Variants in CFAP52 observed in about 807,000 individuals in gnomAD.
CFAP52 encodes the protein cilia- and flagella-associated protein 52.
In CFAP52, 57 loss-of-function variants were observed where a neutral mutation model predicts 70.5. That is an observed-to-expected ratio of 0.81 (90% CI 0.65 to 1.01). The LOEUF is 1.01. CFAP52 is among the 50% of genes least tolerant of loss of function. The pLI is 0.00. For missense variants in CFAP52, 785 were observed against 788.5 expected (o/e 1.00, Z 0.05); for synonymous variants, 267 against 292.5 (o/e 0.91, Z 0.89).
At position 9,628,767 on chromosome 17, in the gene CFAP52, A is replaced by G; in HGVS notation, c.1121A>G (p.Asn374Ser). 2 of 1,614,160 alleles carry G rather than the reference A, an allele frequency of 1.2e-6. No individual in the cohort carries two copies. Among genetic ancestry groups the G allele is most frequent in the South Asian group, 1.1e-5 (1 of 91,074 alleles). ...GAGCTGCTGCGGATCACCGTGCCCAACATGACCTGCCACGGCATCGACTTC... is the reference window on the plus strand; with the variant it reads ...GAGCTGCTGCGGATCACCGTGCCCAGCATGACCTGCCACGGCATCGACTTC... Reference protein sequence around the residue: ...NRELLRITVPNMTCHGIDFMR... With the variant: ...NRELLRITVPSMTCHGIDFMR... The change falls in exon 9 of 14, where the codon AAC becomes AGC. Residue 374 changes from asparagine (N) to serine (S), a missense_variant. Coordinates refer to ENST00000352665, the MANE Select transcript of CFAP52 (RefSeq NM_145054.5).
chr17:9,603,311 C>A (rs1353450391), intron 6 of CFAP52, among the ~76,000 whole-genome samples: 2 of 152,082 alleles, frequency 1.3e-5, no homozygotes, highest in Admixed American at 6.6e-5. Flanking sequence ...AGAGTTTACG[C>A]CATTCTCCTG....
In CFAP52 at chr17:9,627,250, C is replaced by T. The variant is rs1455119736; in HGVS notation, c.1026-1422C>T. ...CTTGGCTGGGCACAGTGGCTCACAC[C>T]TGTAATCCCAGCACTTTGGGAGGCC... On this transcript the variant is annotated intron_variant, in intron 8 of 13. Transcript: ENST00000352665. 3.9e-5 allele frequency among the ~76,000 whole-genome samples: 6 copies of T among 152,202 alleles called. No individual in the cohort carries two copies. The South Asian group carries it at 1.0e-3, about 26-fold the overall frequency.
At chr17:9,608,280 A>G in intron 7 of CFAP52, 61 bp downstream of exon 7, 1 of 1,343,746 alleles carries the variant, frequency 7.4e-7, no homozygotes, top group Non-Finnish European at 1.0e-6. Flanking sequence ...AGATTTGCTT[A>G]AAGCCAGCAA....
chr17:9,628,851 G>A (rs1244828921), intron 9 of CFAP52, 31 bp downstream of exon 9: 1 of 1,612,730 alleles, frequency 6.2e-7, no homozygotes, highest in Non-Finnish European at 8.5e-7. Flanking sequence ...TCTGGCTTGG[G>A]GCTCTAGCTG....
chr17:9,628,918 G>A (rs139936399), intron 9 of CFAP52, 98 bp downstream of exon 9: 2 of 1,541,668 alleles, frequency 1.3e-6, no homozygotes, highest in Non-Finnish European at 1.8e-6. Flanking sequence ...GGATAACCTA[G>A]AACAGCCTCC....
chr17:9,609,619 T>C (rs1909640286), intron 7 of CFAP52, among the ~76,000 whole-genome samples: 1 of 152,006 alleles, frequency 6.6e-6, no homozygotes, highest in African/African-American at 2.4e-5. Flanking sequence ...TTGATTGAGG[T>C]TGATCAGTCA....
chr17:9,601,024 A>C (rs141641828), intron 6 of CFAP52, among the ~76,000 whole-genome samples: 1 of 152,022 alleles, frequency 6.6e-6, no homozygotes, highest in African/African-American at 2.4e-5. Flanking sequence ...AATGTCCAAC[A>C]ATGATAGACT....
chr17:9,598,133 C>A, intron 4 of CFAP52, 101 bp from the exon 5 acceptor site: 1 of 900,374 alleles, frequency 1.1e-6, no homozygotes, highest in Non-Finnish European at 1.7e-6. Context: ...ATAACGAAGC[C>A]TCAAAAATGT....
rs1909119205 is a variant in CFAP52 at position 9,598,458 on chromosome 17, G to A, written c.636+125G>A. 9 of 691,054 alleles carry A rather than the reference G, an allele frequency of 1.3e-5. No homozygotes were observed. In the East Asian group the frequency reaches 2.6e-4, roughly 20 times the overall value. 42.8% of individuals were successfully genotyped at this position (691,054 alleles called of 1,614,324 possible). On this transcript the variant is annotated intron_variant, in intron 5 of 13. Transcript: ENST00000352665. ...AAAGTGGGGTATAGACATAGGGGAT[G>A]TTGATTGAAGAAGCTCACTTTGGCC...
chr17:9,643,971 T>C (rs559204706), downstream of CFAP52, among the ~76,000 whole-genome samples: 2 of 152,360 alleles, frequency 1.3e-5, no homozygotes, highest in African/African-American at 2.4e-5. Context: ...GGGTAAATAA[T>C]GGCATTTTCC....
intron 1 of CFAP52, among the ~76,000 whole-genome samples, chr17:9,577,658 A>G (rs1369766897): frequency 2.6e-5 from 4 of 152,246 alleles, no homozygotes; most frequent in African/African-American, 9.6e-5. Context: ...ACAGTCTCCA[A>G]TAGAAAGTGA....
chr17:9,595,772 G>C (rs1487743456), intron 4 of CFAP52, among the ~76,000 whole-genome samples: 2 of 151,442 alleles, frequency 1.3e-5, no homozygotes, highest in African/African-American at 4.9e-5. Context: ...ATGTATGCTG[G>C]GTTCTCTAAC....
chr17:9,597,751 A>G (rs1487281193), intron 4 of CFAP52: 8 of 153,594 alleles, frequency 5.2e-5, no homozygotes, highest in African/African-American at 1.9e-4. Context: ...TGCAGTGAGC[A>G]GAGATTGCGC....
At chr17:9,601,793 C>T (rs1363777256) in intron 6 of CFAP52, among the ~76,000 whole-genome samples, 1 of 152,222 alleles carries the variant, frequency 6.6e-6, no homozygotes, top group East Asian at 1.9e-4. Context: ...CTTATCAGGG[C>T]TGTTTCTACT....
At chr17:9,616,444 G>A (rs1163546254) in intron 8 of CFAP52, among the ~76,000 whole-genome samples, 1 of 132,980 alleles carries the variant, frequency 7.5e-6, no homozygotes, top group Admixed American at 7.7e-5. Context: ...CATTGCCCAG[G>A]CTTGCTTAGG....
chr17:9,600,069 G>GGAT lies in CFAP52; in HGVS notation c.649_651dup (p.Asp217dup). 6.2e-7 allele frequency: 1 copy of GGAT among 1,612,926 alleles called. No individual in the cohort carries two copies. Among genetic ancestry groups the GGAT allele is most frequent in the South Asian group, 1.1e-5 (1 of 91,036 alleles). On this transcript the variant is annotated inframe_insertion, in exon 6 of 14. Transcript: ENST00000352665. ...ATTTCTTTTTCTTGCTTCTTCAGGT[G>GGAT]GATGATGATGATAGCTTTTTCTACC...
chr17:9,576,814 C>G, intron 1 of CFAP52, 49 bp downstream of exon 1: 1 of 1,582,546 alleles, frequency 6.3e-7, no homozygotes, highest in South Asian at 1.1e-5. Context: ...ATTCGGAGGA[C>G]GTGTAGTGCA....
At chr17:9,590,051 C>T (rs1297660777) in intron 3 of CFAP52, 3 of 174,260 alleles carry the variant, frequency 1.7e-5, no homozygotes, top group South Asian at 3.2e-4. Context: ...CTTTGTCTGC[C>T]GTCAGCTCAT....
Position 9,576,842 on chromosome 17 carries a change from A to G in CFAP52, c.70+77A>G, listed in dbSNP as rs1291221031. 5 of 1,442,286 alleles carry G rather than the reference A, an allele frequency of 3.5e-6. No homozygotes were observed. The East Asian group carries it at 9.9e-5, about 29-fold the overall frequency. 89.3% of individuals were successfully genotyped at this position (1,442,286 alleles called of 1,614,324 possible). A position where few individuals can be genotyped will look rare whatever the true frequency, so the allele number is the denominator to read the frequency against. On this transcript the variant is annotated intron_variant, in intron 1 of 13. Transcript: ENST00000352665. Reference sequence around the variant, plus strand: ...GTAGTGCAAACAGGAATAGTGAGACACCGGGGACACCTGAAAGGCAGTGTG... The same window carrying G: ...GTAGTGCAAACAGGAATAGTGAGACGCCGGGGACACCTGAAAGGCAGTGTG...
Sources: allele counts gnomAD v4.1 joint callset (sites outside exome capture counted in the v4.1 genomes callset), GRCh38; gene constraint gnomAD v4.1.1; transcripts MANE v1.5; gene names NCBI Gene and HGNC (gene_info 2026-07-23, HGNC 2026-07-21).